ADAMTSL1: variants seen among roughly 807,000 people sequenced by gnomAD.
ADAMTSL1 encodes the protein ADAMTS like 1, also known as ADAMTS-like protein 1.
ADAMTSL1 carries 126 observed loss-of-function variants against 201.8 expected under a neutral mutation model. The observed-to-expected ratio is 0.62, with a 90% CI of 0.54 to 0.72. The LOEUF (loss-of-function observed/expected upper bound fraction) is 0.72. Among genes scored for constraint, ADAMTSL1 ranks in the 30% least tolerant of loss-of-function variants. The probability of loss-of-function intolerance (pLI) is 0.00; values close to 1 mark genes in which losing one functional copy is unlikely to be tolerated. For synonymous variants in ADAMTSL1, 1,121 were observed against 903.4 expected (o/e 1.24, Z -4.32); for missense variants, 2,679 against 2,277.8 (o/e 1.18, Z -3.59).
chr9:18,706,782 C>G lies in ADAMTSL1; in HGVS notation c.1610C>G (p.Thr537Ser). The change falls in exon 14 of 29, where the codon ACC becomes AGC. Residue 537 changes from threonine to serine, a missense_variant. Transcript: ENST00000380548. ...GAGGCCTGGTCGGCCTGCACAGTCA[C>G]CTGTGGTGTGGGGACCCAGGTGCGA... ...IPEAWSACTV[T>S]CGVGTQVRIV... 6.2e-7 allele frequency: 1 copy of G among 1,608,390 alleles called. No individual in the cohort carries two copies. The highest frequency in any genetic ancestry group is 8.5e-7 in the Non-Finnish European group (1 of 1,177,360).
chr9:18,371,210 A>G (rs181316463), intron 2 of ADAMTSL1, among the ~76,000 whole-genome samples: 336 of 152,310 alleles, frequency 2.2e-3, no homozygotes, highest in Middle Eastern at 0.014. Flanking sequence ...ATGTGTGTAT[A>G]TGCATTATCT....
In ADAMTSL1 at chr9:17,910,122, G is replaced by A. The variant is rs1408569754; in HGVS notation, c.87+3200G>A. 5.9e-5 allele frequency among the ~76,000 whole-genome samples: 4 copies of A among 67,868 alleles called. 2 individuals carry two copies. The highest frequency in any genetic ancestry group is 3.6e-4 in the Admixed American group (2 of 5,630). The allele number at this position is 67,868 out of a possible 152,430, so 44.5% of individuals were successfully genotyped here. Reference sequence around the variant, plus strand: ...CCCTAAGCGCGGTATCATTTTGGTCGAGGCCCTTACCTTCCACTTCCTCAT... The same window carrying A: ...CCCTAAGCGCGGTATCATTTTGGTCAAGGCCCTTACCTTCCACTTCCTCAT... On this transcript the variant is annotated intron_variant, in intron 1 of 29. Coordinates refer to the ADAMTSL1 transcript ENST00000680146.
Position 17,995,935 on chromosome 9 carries a change from G to C in ADAMTSL1, c.87+89013G>C, listed in dbSNP as rs73643486. On this transcript the variant is annotated intron_variant, in intron 1 of 29. Transcript: ENST00000680146. The stretch of plus-strand genomic sequence containing the variant: ...CCTCATCTCTAAAATGACACAGTCC[G>C]TATAGCTAGGCCATACAGCTGTTGT... Among the ~76,000 whole-genome samples the C allele has an allele frequency of 4.1e-4, 63 of 151,818 alleles. 1 individual carries two copies. The highest frequency in any genetic ancestry group is 4.0e-3 in the Admixed American group (61 of 15,186).
rs1212085783 is a variant in ADAMTSL1 at position 18,910,020 on chromosome 9, G to A, written c.*1472G>A. On this transcript the variant is annotated 3_prime_UTR_variant, in exon 29 of 29. Transcript: ENST00000380548. Reference sequence around the variant, plus strand: ...CCTTCCCTCGCGTGGCCTGAGTTTAGGAGCAAGGGTGGCCAGAGTCCCTTA... The same window carrying A: ...CCTTCCCTCGCGTGGCCTGAGTTTAAGAGCAAGGGTGGCCAGAGTCCCTTA... 6.6e-6 allele frequency: 1 copy of A among 152,192 alleles called. No homozygotes were observed. The highest frequency in any genetic ancestry group is 1.9e-4 in the East Asian group (1 of 5,194). 9.4% of individuals were successfully genotyped at this position (152,192 alleles called of 1,614,324 possible). A position where few individuals can be genotyped will look rare whatever the true frequency, so the allele number is the denominator to read the frequency against.
chr9:18,419,156 A>T (rs1015043565), intron 2 of ADAMTSL1, among the ~76,000 whole-genome samples: 2 of 152,218 alleles, frequency 1.3e-5, no homozygotes, highest in African/African-American at 4.8e-5. Context: ...AATAAAGCAA[A>T]ACTCTCAACC....
chr9:18,151,127 T>A (rs1295018470), intron 1 of ADAMTSL1, among the ~76,000 whole-genome samples: 1 of 152,022 alleles, frequency 6.6e-6, no homozygotes, highest in South Asian at 2.1e-4. Context: ...AATACATAGA[T>A]CCAAATGTGT....
At chr9:18,847,852 G>A (rs1207300209) in intron 23 of ADAMTSL1, among the ~76,000 whole-genome samples, 3 of 152,250 alleles carry the variant, frequency 2.0e-5, no homozygotes, top group Non-Finnish European at 4.4e-5. Flanking sequence ...GTAAGGCCTT[G>A]TAAATGGTCA....
intron 4 of ADAMTSL1, among the ~76,000 whole-genome samples, chr9:18,582,825 G>GTGT (rs1306791365): frequency 6.7e-6 from 1 of 149,990 alleles, no homozygotes; most frequent in Non-Finnish European, 1.5e-5. Flanking sequence ...CTCCAGCCTG[G>GTGT]GCGACACAAC....
At chr9:18,706,329 T>C (rs371847256) in intron 13 of ADAMTSL1, among the ~76,000 whole-genome samples, 23 of 152,312 alleles carry the variant, frequency 1.5e-4, no homozygotes, top group African/African-American at 5.3e-4. Flanking sequence ...CTTGCTTTCA[T>C]TGCCATCTTG....
chr9:18,118,554 C>G (rs1357210073), intron 1 of ADAMTSL1, among the ~76,000 whole-genome samples: 3 of 152,146 alleles, frequency 2.0e-5, no homozygotes, highest in East Asian at 1.9e-4. Context: ...AGCTTTCAGT[C>G]TGAGATTGCC....
intron 20 of ADAMTSL1, among the ~76,000 whole-genome samples, chr9:18,816,053 C>A (rs1448987771): frequency 1.3e-5 from 2 of 152,104 alleles, no homozygotes; most frequent in African/African-American, 4.8e-5. Flanking sequence ...CACATAGTCA[C>A]CCTACTGTGC....
intron 16 of ADAMTSL1, among the ~76,000 whole-genome samples, chr9:18,758,712 C>G (rs1441482386): frequency 6.6e-6 from 1 of 152,214 alleles, no homozygotes; most frequent in Non-Finnish European, 1.5e-5. Context: ...TTCCCCCTCT[C>G]AGAAGCCCTC....
Position 18,574,242 on chromosome 9 carries a change from T to C in ADAMTSL1, c.450T>C (p.Asp150=). ...DGTRCYTESL[D]MCISGLCQIV... is the part of the protein sequence containing the mutation. Reference sequence around the variant, plus strand: ...CGCGTTGCTATACAGAATCTTTGGATATGTGCATCAGTGGTTTATGCCAAG... The same window carrying C: ...CGCGTTGCTATACAGAATCTTTGGACATGTGCATCAGTGGTTTATGCCAAG... The change falls in exon 4 of 29, where the codon GAT becomes GAC. Residue 150 remains aspartate (D), a synonymous_variant. Transcript: ENST00000380548. The C allele has an allele frequency of 6.2e-7, 1 of 1,614,156 alleles. No homozygotes were observed. Among genetic ancestry groups the C allele is most frequent in the Non-Finnish European group, 8.5e-7 (1 of 1,179,982 alleles).
intron 20 of ADAMTSL1, 39 bp from the exon 21 acceptor site, chr9:18,817,070 C>T (rs1214803704): frequency 3.1e-6 from 5 of 1,601,342 alleles, no homozygotes; most frequent in Non-Finnish European, 2.6e-6. Context: ...TTTCCACAGT[C>T]ACCACCAAGT....
At chr9:18,003,858 G>A (rs1819709969) in intron 1 of ADAMTSL1, among the ~76,000 whole-genome samples, 1 of 151,900 alleles carries the variant, frequency 6.6e-6, no homozygotes, top group South Asian at 2.1e-4. Context: ...TAGAAATGAG[G>A]TTCTTTGGGG....
intron 2 of ADAMTSL1, among the ~76,000 whole-genome samples, chr9:18,181,241 C>A (rs1002597741): frequency 2.0e-5 from 3 of 152,192 alleles, no homozygotes; most frequent in Non-Finnish European, 2.9e-5. Flanking sequence ...GACTTCATGT[C>A]TAAAACACCA....
chr9:17,977,497 C>G (rs1159423744), intron 1 of ADAMTSL1, among the ~76,000 whole-genome samples: 1 of 151,962 alleles, frequency 6.6e-6, no homozygotes, highest in Non-Finnish European at 1.5e-5. Flanking sequence ...TTCAGATGAT[C>G]TATTTCTCCA....
At chr9:18,339,176 C>A (rs1256259445) in intron 2 of ADAMTSL1, among the ~76,000 whole-genome samples, 1 of 152,072 alleles carries the variant, frequency 6.6e-6, no homozygotes, top group African/African-American at 2.4e-5. Flanking sequence ...AGACAACCTA[C>A]AGAATGGGAA....
intron 2 of ADAMTSL1, among the ~76,000 whole-genome samples, chr9:18,266,806 C>G (rs554318437): frequency 6.6e-6 from 1 of 151,974 alleles, no homozygotes; most frequent in Admixed American, 6.6e-5. Flanking sequence ...TTCCTTTTTT[C>G]TTTTAATAAA....
Sources: allele counts gnomAD v4.1 joint callset (sites outside exome capture counted in the v4.1 genomes callset), GRCh38; gene constraint gnomAD v4.1.1; transcripts MANE v1.5; gene names NCBI Gene and HGNC (gene_info 2026-07-23, HGNC 2026-07-21).